Variants in PLCL1 observed in about 807,000 individuals in gnomAD.
The protein encoded by PLCL1 is phospholipase C like 1 (inactive).
Under a neutral mutation model 84.4 loss-of-function variants are expected in PLCL1, and 41 were observed. The ratio of observed to expected loss-of-function variants is 0.49; its 90% CI spans 0.38 to 0.63. The LOEUF (loss-of-function observed/expected upper bound fraction) is 0.63. Ranked by LOEUF, PLCL1 falls within the 30% of genes least tolerant of loss-of-function variation. The pLI is 0.00. For synonymous variants in PLCL1, 490 were observed against 488.3 expected, an observed-to-expected ratio of 1.00 and a Z score of -0.05; for missense variants, 1,206 against 1,367.8, an observed-to-expected ratio of 0.88 and a Z score of 1.87.
intron 4 of PLCL1, among the ~76,000 whole-genome samples, chr2:198,102,361 C>T (rs1245994416): frequency 6.6e-6 from 1 of 152,066 alleles, no homozygotes; most frequent in Non-Finnish European, 1.5e-5. Flanking sequence ...ATGTCAGGGT[C>T]TTTCCGAGAC....
At chr2:197,994,469 T>C (rs890072707) in intron 1 of PLCL1, among the ~76,000 whole-genome samples, 2 of 152,160 alleles carry the variant, frequency 1.3e-5, no homozygotes, top group Non-Finnish European at 2.9e-5. Context: ...GAGTCAGAAA[T>C]GGGAAAGATT....
At chr2:197,995,383 C>T (rs1344322004) in intron 1 of PLCL1, among the ~76,000 whole-genome samples, 1 of 152,050 alleles carries the variant, frequency 6.6e-6, no homozygotes, top group African/African-American at 2.4e-5. Flanking sequence ...TGAAATGAAA[C>T]ACAAAGTCCC....
At chr2:198,109,519 A>T (rs916578713) in intron 5 of PLCL1, among the ~76,000 whole-genome samples, 1 of 151,922 alleles carries the variant, frequency 6.6e-6, no homozygotes, top group African/African-American at 2.4e-5. Context: ...GGATACTACA[A>T]CTTCACTTAC....
intron 1 of PLCL1, among the ~76,000 whole-genome samples, chr2:197,990,156 C>T (rs534576985): frequency 1.3e-5 from 2 of 152,178 alleles, no homozygotes; most frequent in African/African-American, 4.8e-5. Flanking sequence ...ACACATTAGA[C>T]CTAAACGAGC....
At chr2:198,100,998 G>A (rs1693318070) in intron 3 of PLCL1, among the ~76,000 whole-genome samples, 1 of 152,028 alleles carries the variant, frequency 6.6e-6, no homozygotes, top group African/African-American at 2.4e-5. Flanking sequence ...AATATGACCT[G>A]GGACATAAGG....
intron 1 of PLCL1, among the ~76,000 whole-genome samples, chr2:198,058,216 T>C (rs1293296809): frequency 6.6e-6 from 1 of 152,218 alleles, no homozygotes; most frequent in Non-Finnish European, 1.5e-5. Context: ...GTGATACTGG[T>C]TGAATTTTAC....
At chr2:197,896,820 G>A (rs764620999) in intron 1 of PLCL1, among the ~76,000 whole-genome samples, 6 of 152,088 alleles carry the variant, frequency 3.9e-5, no homozygotes, top group Non-Finnish European at 7.4e-5. Flanking sequence ...TGTCCACAGA[G>A]TGATTGGTCT....
At chr2:197,846,875 A>G (rs1002739824) in intron 1 of PLCL1, among the ~76,000 whole-genome samples, 1 of 152,146 alleles carries the variant, frequency 6.6e-6, no homozygotes, top group Admixed American at 6.6e-5. Context: ...GGTTTAATAT[A>G]TACAATGGAA....
intron 1 of PLCL1, among the ~76,000 whole-genome samples, chr2:198,017,033 A>C (rs1281269051): frequency 6.6e-6 from 1 of 152,188 alleles, no homozygotes; most frequent in Non-Finnish European, 1.5e-5. Context: ...ATGAAGGTGG[A>C]GCCATATGAA....
chr2:197,956,844 C>T (rs1169191056), intron 1 of PLCL1, among the ~76,000 whole-genome samples: 1 of 151,970 alleles, frequency 6.6e-6, no homozygotes, highest in Non-Finnish European at 1.5e-5. Flanking sequence ...GGGTAGATTG[C>T]AAAAATTTTC....
chr2:198,104,787 T>A (rs925147024), intron 5 of PLCL1, among the ~76,000 whole-genome samples: 2 of 152,066 alleles, frequency 1.3e-5, no homozygotes, highest in Non-Finnish European at 2.9e-5. Flanking sequence ...ATTAGTGATG[T>A]TGAACACCTT....
At chr2:198,094,180 G>A (rs1693130609) in intron 3 of PLCL1, among the ~76,000 whole-genome samples, 1 of 151,874 alleles carries the variant, frequency 6.6e-6, no homozygotes, top group Non-Finnish European at 1.5e-5. Context: ...TCCTGCCTCC[G>A]CCTCCCCAGT....
chr2:198,056,353 G>A (rs1692073845), intron 1 of PLCL1, among the ~76,000 whole-genome samples: 1 of 152,120 alleles, frequency 6.6e-6, no homozygotes, highest in Admixed American at 6.6e-5. Context: ...ATTGGTGTTT[G>A]ATCGGAATGC....
chr2:198,107,360 G>C (rs1693501169), intron 5 of PLCL1, among the ~76,000 whole-genome samples: 1 of 151,866 alleles, frequency 6.6e-6, no homozygotes, highest in Non-Finnish European at 1.5e-5. Flanking sequence ...AACCATATCA[G>C]TCCCATTGGG....
chr2:198,029,753 T>A (rs1691362037), intron 1 of PLCL1, among the ~76,000 whole-genome samples: 1 of 151,900 alleles, frequency 6.6e-6, no homozygotes, highest in Non-Finnish European at 1.5e-5. Flanking sequence ...GAGGCTGGAA[T>A]GCAGTGGCGC....
chr2:198,038,161 T>G (rs914717567), intron 1 of PLCL1, among the ~76,000 whole-genome samples: 3 of 152,038 alleles, frequency 2.0e-5, no homozygotes, highest in African/African-American at 7.2e-5. Context: ...GCTTTTGTTC[T>G]AGAGAGAGAG....
At chr2:197,807,407 G>C (rs200292736) in intron 1 of PLCL1, among the ~76,000 whole-genome samples, 1 of 14,898 alleles carries the variant, frequency 6.7e-5, no homozygotes, top group Admixed American at 4.7e-4. Context: ...GAAGCCTAGA[G>C]GGGGTAATCT....
chr2:198,136,311 G>A (rs1694255131), intron 5 of PLCL1, among the ~76,000 whole-genome samples: 1 of 152,080 alleles, frequency 6.6e-6, no homozygotes, highest in Non-Finnish European at 1.5e-5. Flanking sequence ...AATCTATGAG[G>A]TGAGTACAAT....
intron 1 of PLCL1, among the ~76,000 whole-genome samples, chr2:197,939,577 G>A (rs1041709946): frequency 1.3e-5 from 2 of 151,988 alleles, no homozygotes; most frequent in African/African-American, 2.4e-5. Context: ...GTACCCATCC[G>A]TATCCTGTTC....
Sources: gnomAD v4.1 joint callset for allele counts (sites outside exome capture counted in the v4.1 genomes callset) on GRCh38, gnomAD v4.1.1 for gene constraint, MANE v1.5 for transcripts, NCBI Gene and HGNC (gene_info 2026-07-23, HGNC 2026-07-21) for gene names.